Variants in NLGN1 observed in about 807,000 individuals in gnomAD.
The protein encoded by NLGN1 is neuroligin-1.
A neutral mutation model predicts 65.5 loss-of-function variants in NLGN1; 12 were observed. The observed-to-expected ratio is 0.18, with a 90% CI of 0.12 to 0.30. The LOEUF is 0.30. Among genes scored for constraint, NLGN1 ranks in the 10% least tolerant of loss-of-function variants. NLGN1 has a pLI of 1.00. For synonymous variants in NLGN1, 350 were observed against 359.5 expected (o/e 0.97, Z 0.30); for missense variants, 750 against 1,007.1 (o/e 0.74, Z 3.46).
intron 2 of NLGN1, among the ~76,000 whole-genome samples, chr3:173,487,839 G>A (rs1253703993): frequency 6.6e-6 from 1 of 151,780 alleles, no homozygotes; most frequent in Non-Finnish European, 1.5e-5. Context: ...CCGTTGTTAT[G>A]TTTTAATAGT....
intron 3 of NLGN1, among the ~76,000 whole-genome samples, chr3:173,717,442 C>A (rs887370344): frequency 2.0e-5 from 3 of 151,294 alleles, no homozygotes; most frequent in African/African-American, 7.3e-5. Flanking sequence ...AGGTGTTGAT[C>A]CAGCTTGATT....
At chr3:174,267,888 G>GA (rs1561433718) in intron 4 of NLGN1, among the ~76,000 whole-genome samples, 1 of 151,834 alleles carries the variant, frequency 6.6e-6, no homozygotes, top group Non-Finnish European at 1.5e-5. Context: ...TTCTAGTCCA[G>GA]AAAAAAATGG....
chr3:173,811,094 T>A (rs1717817133), intron 4 of NLGN1, among the ~76,000 whole-genome samples: 2 of 152,228 alleles, frequency 1.3e-5, no homozygotes, highest in Admixed American at 6.5e-5. Context: ...TTCTTTCACT[T>A]TTGACTTTAC....
chr3:173,742,907 AG>A (rs912700958), intron 3 of NLGN1, among the ~76,000 whole-genome samples: 24 of 152,212 alleles, frequency 1.6e-4, no homozygotes, highest in African/African-American at 5.1e-4. Flanking sequence ...TCCAGATTTG[AG>A]GGGGTTGTTT....
intron 2 of NLGN1, among the ~76,000 whole-genome samples, chr3:173,455,470 A>G (rs1722346208): frequency 6.6e-6 from 1 of 152,212 alleles, no homozygotes; most frequent in South Asian, 2.1e-4. Flanking sequence ...CAAAATATCC[A>G]AACCATATCA....
chr3:173,458,358 G>A (rs1722842184), intron 2 of NLGN1, among the ~76,000 whole-genome samples: 1 of 152,012 alleles, frequency 6.6e-6, no homozygotes, highest in South Asian at 2.1e-4. Flanking sequence ...GGTGTCCTGT[G>A]GAGCAATATG....
chr3:173,796,204 A>G (rs1578474446), intron 3 of NLGN1, among the ~76,000 whole-genome samples: 1 of 152,268 alleles, frequency 6.6e-6, no homozygotes, highest in African/African-American at 2.4e-5. Flanking sequence ...CCCAAAGTAT[A>G]TTAGCCCTTC....
intron 4 of NLGN1, among the ~76,000 whole-genome samples, chr3:174,082,119 T>C (rs1281273449): frequency 5.3e-5 from 8 of 152,244 alleles, no homozygotes; most frequent in Admixed American, 5.2e-4. Flanking sequence ...GATTTCATTA[T>C]TCAAAGTGGG....
intron 4 of NLGN1, among the ~76,000 whole-genome samples, chr3:173,918,527 G>A (rs1273270869): frequency 6.6e-6 from 1 of 151,622 alleles, no homozygotes; most frequent in Non-Finnish European, 1.5e-5. Flanking sequence ...CAGCTACTCG[G>A]GAGGCTGAGG....
intron 3 of NLGN1, among the ~76,000 whole-genome samples, chr3:173,675,890 C>G (rs1218199956): frequency 1.5e-5 from 2 of 130,012 alleles, no homozygotes; most frequent in Admixed American, 7.6e-5. Context: ...CTCTCTCTCA[C>G]ACACACACAC....
At chr3:174,165,073 T>G (rs563500508) in intron 4 of NLGN1, among the ~76,000 whole-genome samples, 24 of 152,012 alleles carry the variant, frequency 1.6e-4, no homozygotes, top group Non-Finnish European at 3.2e-4. Flanking sequence ...TAGGTATTTT[T>G]TGTGTGTGTC....
At chr3:173,660,366 T>TA (rs1553791549) in intron 3 of NLGN1, among the ~76,000 whole-genome samples, 4 of 150,438 alleles carry the variant, frequency 2.7e-5, no homozygotes, top group Admixed American at 6.7e-5. Flanking sequence ...TTATTTTATT[T>TA]TTTTTTTCAA....
At chr3:173,450,984 T>C (rs560512805) in intron 2 of NLGN1, among the ~76,000 whole-genome samples, 3 of 152,324 alleles carry the variant, frequency 2.0e-5, no homozygotes, top group East Asian at 3.9e-4. Context: ...TCAAAGTTTT[T>C]AACTTCTTTG....
chr3:173,820,985 C>A (rs1720174329), intron 4 of NLGN1, among the ~76,000 whole-genome samples: 1 of 152,164 alleles, frequency 6.6e-6, no homozygotes, highest in South Asian at 2.1e-4. Flanking sequence ...CAACCATTAT[C>A]ACAAATAGAG....
chr3:174,274,167 CTAAA>C (rs142585015), intron 4 of NLGN1, among the ~76,000 whole-genome samples: 4,143 of 151,404 alleles, frequency 0.027, 191 homozygotes, highest in African/African-American at 0.096. Flanking sequence ...TAATAGGACT[CTAAA>C]TATTTTCTAC....
chr3:173,498,927 T>G (rs530058809), intron 2 of NLGN1, among the ~76,000 whole-genome samples: 4,486 of 151,302 alleles, frequency 0.03, 272 homozygotes, highest in African/African-American at 0.1. Flanking sequence ...TAAATTTGTT[T>G]GAGTTCATTG....
At chr3:174,239,744 A>G (rs1042833645) in intron 4 of NLGN1, among the ~76,000 whole-genome samples, 10 of 152,222 alleles carry the variant, frequency 6.6e-5, no homozygotes, top group Non-Finnish European at 1.5e-5. Flanking sequence ...ATCCAGCCTT[A>G]GATCTAAGAA....
At chr3:173,676,956 T>C (rs1763253912) in intron 3 of NLGN1, among the ~76,000 whole-genome samples, 1 of 152,126 alleles carries the variant, frequency 6.6e-6, no homozygotes, top group Admixed American at 6.6e-5. Context: ...GATTAATTAA[T>C]ATTTGTTGAA....
intron 4 of NLGN1, among the ~76,000 whole-genome samples, chr3:174,264,228 C>T (rs1303822598): frequency 6.6e-6 from 1 of 151,404 alleles, no homozygotes; most frequent in African/African-American, 2.4e-5. Context: ...TGAACGTTGG[C>T]CTGCCTTGCT....
Sources: gnomAD v4.1 joint callset for allele counts (sites outside exome capture counted in the v4.1 genomes callset) on GRCh38, gnomAD v4.1.1 for gene constraint, MANE v1.5 for transcripts, NCBI Gene and HGNC (gene_info 2026-07-23, HGNC 2026-07-21) for gene names.